Variants in CELF4 observed in about 807,000 individuals in gnomAD.
CELF4 encodes CUGBP Elav-like family member 4.
Under a neutral mutation model 59.9 loss-of-function variants are expected in CELF4, and 18 were observed. The ratio of observed to expected loss-of-function variants is 0.30; its 90% CI spans 0.21 to 0.45. CELF4 has a LOEUF of 0.45. Among genes scored for constraint, CELF4 ranks in the 20% least tolerant of loss-of-function variants. CELF4 has a pLI of 1.00. For synonymous variants in CELF4, 261 were observed against 267.1 expected, an observed-to-expected ratio of 0.98 and a Z score of 0.22; for missense variants, 456 against 689.0, an observed-to-expected ratio of 0.66 and a Z score of 3.79.
Position 37,274,866 on chromosome 18 carries a change from T to A in CELF4, c.596A>T (p.Tyr199Phe). Residue 199 changes from tyrosine (Y) to phenylalanine (F), a missense_variant, in exon 5 of 13, where the codon TAC becomes TTC. By Grantham distance (22) the Tyr-to-Phe change is conservative. Coordinates refer to ENST00000420428, the MANE Select transcript of CELF4 (RefSeq NM_020180.4). Reference protein sequence around the residue: ...GNSKGCAFVKYSSHAEAQAAI... With the variant: ...GNSKGCAFVKFSSHAEAQAAI... ...GGCCTGCGCCTCGGCGTGGGAGGAG[T>A]ACTTCACAAAGGCGCACCCTGCGAG... 1 of 1,607,032 alleles carries A rather than the reference T, an allele frequency of 6.2e-7. No individual in the cohort carries two copies. The highest frequency in any genetic ancestry group is 8.5e-7 in the Non-Finnish European group (1 of 1,177,912).
rs1035095028 is a variant in CELF4, at chr18:37,275,185, G to A, written c.507C>T (p.Arg169=). 3 of 1,613,614 alleles carry A rather than the reference G, an allele frequency of 1.9e-6. No individual in the cohort carries two copies. Among genetic ancestry groups the A allele is most frequent in the African/African-American group, 1.3e-5 (1 of 74,908 alleles). The change falls in exon 4 of 13, where the codon CGC becomes CGT. Residue 169 remains arginine, a synonymous_variant. Coordinates refer to ENST00000420428, the MANE Select transcript of CELF4 (RefSeq NM_020180.4). The part of the protein sequence containing the change: ...LNKQQSEDDV[R]RLFEAFGNIE... ...TGTTCCCAAAGGCCTCGAAAAGGCG[G>A]CGCACGTCGTCCTCGGACTGTTGCT...
intron 2 of CELF4, among the ~76,000 whole-genome samples, chr18:37,341,924 T>C (rs577740185): frequency 6.6e-6 from 1 of 152,254 alleles, no homozygotes; most frequent in East Asian, 1.9e-4. Flanking sequence ...ACTCTCTGAC[T>C]CATCTGGGTC....
intron 2 of CELF4, among the ~76,000 whole-genome samples, chr18:37,372,549 T>TGG (rs2098911931): frequency 6.6e-6 from 1 of 152,084 alleles, no homozygotes; most frequent in Non-Finnish European, 1.5e-5. Flanking sequence ...AGTTAATGGG[T>TGG]ACTGCACACC....
chr18:37,353,233 A>AAAAAAAATATAT (rs71168258), intron 2 of CELF4, among the ~76,000 whole-genome samples: 3 of 106,990 alleles, frequency 2.8e-5, no homozygotes, highest in African/African-American at 7.1e-5. Flanking sequence ...AAAAAAAAAA[A>AAAAAAAATATAT]ATATATATAT....
intron 2 of CELF4, among the ~76,000 whole-genome samples, chr18:37,458,088 T>C (rs1365461411): frequency 6.6e-6 from 1 of 152,106 alleles, no homozygotes; most frequent in Non-Finnish European, 1.5e-5. Flanking sequence ...ACTTCGAGCA[T>C]CAAAGACAGG....
chr18:37,496,444 G>A (rs1468515640), intron 1 of CELF4, among the ~76,000 whole-genome samples: 2 of 152,220 alleles, frequency 1.3e-5, no homozygotes, highest in East Asian at 1.9e-4. Context: ...CCTGCCTGGT[G>A]AGGTGAAATA....
At chr18:37,327,855 T>C (rs575728289) in intron 2 of CELF4, among the ~76,000 whole-genome samples, 2 of 152,238 alleles carry the variant, frequency 1.3e-5, no homozygotes, top group African/African-American at 4.8e-5. Context: ...TGGAGTTGAC[T>C]TTCTCCCCAC....
intron 3 of CELF4, among the ~76,000 whole-genome samples, chr18:37,300,759 G>C (rs192537361): frequency 6.6e-6 from 1 of 152,254 alleles, no homozygotes; most frequent in African/African-American, 2.4e-5. Flanking sequence ...GAAGCAGATG[G>C]AGGAGCTGGG....
rs1282310143 is a variant in CELF4 at position 37,431,112 on chromosome 18, C to T, written c.369+54413G>A. Among the ~76,000 whole-genome samples, 2 of 152,152 alleles carry T rather than the reference C, an allele frequency of 1.3e-5. 1 individual carries two copies. The highest frequency in any genetic ancestry group is 4.8e-5 in the African/African-American group (2 of 41,436). On this transcript the variant is annotated intron_variant, in intron 2 of 12. Transcript: ENST00000420428. ...GTGAGCCAGAGGTGAGGATGGGCCGCTGAGCCCTCCTTGCTCTCCTCTGTC... is the reference window on the plus strand; with the variant it reads ...GTGAGCCAGAGGTGAGGATGGGCCGTTGAGCCCTCCTTGCTCTCCTCTGTC...
intron 2 of CELF4, among the ~76,000 whole-genome samples, chr18:37,470,008 G>A (rs1370380980): frequency 6.6e-6 from 1 of 152,184 alleles, no homozygotes; most frequent in Non-Finnish European, 1.5e-5. Context: ...AAGCCCATCA[G>A]GAAAGGCTTT....
At chr18:37,319,451 A>G (rs1207228162) in intron 3 of CELF4, among the ~76,000 whole-genome samples, 6 of 152,236 alleles carry the variant, frequency 3.9e-5, no homozygotes, top group Non-Finnish European at 8.8e-5. Flanking sequence ...GGCAGCCCCA[A>G]GACACCAGCC....
At chr18:37,400,860 G>A (rs932446378) in intron 2 of CELF4, among the ~76,000 whole-genome samples, 6 of 152,262 alleles carry the variant, frequency 3.9e-5, no homozygotes, top group African/African-American at 1.4e-4. Flanking sequence ...CACAGATGGA[G>A]ACGCCTGAAT....
chr18:37,449,190 G>C (rs888649055), intron 2 of CELF4, among the ~76,000 whole-genome samples: 1 of 152,186 alleles, frequency 6.6e-6, no homozygotes, highest in Non-Finnish European at 1.5e-5. Context: ...AGGGAGGGCT[G>C]CAAGGAGGAG....
intron 2 of CELF4, among the ~76,000 whole-genome samples, chr18:37,481,127 G>A (rs541282902): frequency 6.6e-6 from 1 of 152,330 alleles, no homozygotes; most frequent in South Asian, 2.1e-4. Context: ...CGCGAGGGGA[G>A]GGGAAGGGGG....
At position 37,274,683 on chromosome 18, in the gene CELF4, C is replaced by T. The variant is rs1378139872; in HGVS notation, c.657+122G>A. 16 of 1,481,584 alleles carry T rather than the reference C, an allele frequency of 1.1e-5. No individual in the cohort carries two copies. The East Asian group carries it at 3.7e-4, about 35-fold the overall frequency. 91.8% of individuals were successfully genotyped at this position (1,481,584 alleles called of 1,614,324 possible). A position where few individuals can be genotyped will look rare whatever the true frequency, so the allele number is the denominator to read the frequency against. ...TGGGCTTCCGCGTCCTTGTCTGAGG[C>T]CCGGAATAAGGGTCATGCTTTCCTG... On this transcript the variant is annotated intron_variant, in intron 5 of 12. Coordinates refer to ENST00000420428, the MANE Select transcript of CELF4 (RefSeq NM_020180.4).
chr18:37,556,860 C>G (rs1416179122), intron 1 of CELF4, among the ~76,000 whole-genome samples: 1 of 152,142 alleles, frequency 6.6e-6, no homozygotes, highest in East Asian at 1.9e-4. Context: ...TTCAAATCTG[C>G]CTAGAATGAC....
At chr18:37,455,339 G>C (rs2099775246) in intron 2 of CELF4, among the ~76,000 whole-genome samples, 1 of 152,128 alleles carries the variant, frequency 6.6e-6, no homozygotes, top group Admixed American at 6.5e-5. Flanking sequence ...TTGCTCAGAG[G>C]GTTCTTGTGA....
intron 1 of CELF4, among the ~76,000 whole-genome samples, chr18:37,491,643 G>C (rs575377715): frequency 6.6e-6 from 1 of 152,288 alleles, no homozygotes; most frequent in South Asian, 2.1e-4. Context: ...AGAGTGAGGA[G>C]GGAAGGGAGA....
chr18:37,466,431 A>T (rs1286014818), intron 2 of CELF4, among the ~76,000 whole-genome samples: 2 of 151,586 alleles, frequency 1.3e-5, no homozygotes, highest in Non-Finnish European at 2.9e-5. Flanking sequence ...GGGGGTGGGG[A>T]TGTGGGCGCA....
Sources: gnomAD v4.1 joint callset for allele counts (sites outside exome capture counted in the v4.1 genomes callset) on GRCh38, gnomAD v4.1.1 for gene constraint, MANE v1.5 for transcripts, NCBI Gene and HGNC (gene_info 2026-07-23, HGNC 2026-07-21) for gene names.